TCF4: variants seen among roughly 807,000 people sequenced by gnomAD.
TCF4 encodes the protein SL3-3 enhancer factor 2.
A neutral mutation model predicts 82.1 loss-of-function variants in TCF4; 3 were observed. The ratio of observed to expected loss-of-function variants is 0.04; its 90% confidence interval spans 0.02 to 0.09. The LOEUF (loss-of-function observed/expected upper bound fraction) is 0.09, where lower values mean the gene tolerates loss of function less well. TCF4 is among the 10% of genes least tolerant of loss of function. TCF4 has a pLI of 1.00. For synonymous variants in TCF4, 276 were observed against 309.6 expected (o/e 0.89, Z 1.14); for missense variants, 518 against 852.7 (o/e 0.61, Z 4.89).
At chr18:55,595,860 A>G (rs2097690338) in intron 2 of TCF4, among the ~76,000 whole-genome samples, 1 of 152,152 alleles carries the variant, frequency 6.6e-6, no homozygotes, top group South Asian at 2.1e-4. Flanking sequence ...CAGAGAAGAA[A>G]TGAAGTTGTA....
intron 5 of TCF4, among the ~76,000 whole-genome samples, chr18:55,435,104 A>C (rs1452486458): frequency 6.6e-6 from 1 of 152,134 alleles, no homozygotes; most frequent in Non-Finnish European, 1.5e-5. Context: ...TCTACTCTTA[A>C]GTTCTACTCT....
chr18:55,330,320 C>G (rs966175395), intron 8 of TCF4, among the ~76,000 whole-genome samples: 4 of 150,834 alleles, frequency 2.7e-5, no homozygotes, highest in African/African-American at 9.8e-5. Flanking sequence ...GCTAGGAGTA[C>G]AGGTGTGTGC....
intron 2 of TCF4, among the ~76,000 whole-genome samples, chr18:55,603,110 T>C (rs868092115): frequency 5.3e-5 from 8 of 152,168 alleles, no homozygotes; most frequent in Admixed American, 1.3e-4. Flanking sequence ...CAGCTTTTCT[T>C]AACCTTGGCA....
chr18:55,421,860 A>T (rs1395880538), intron 5 of TCF4, among the ~76,000 whole-genome samples: 4 of 152,176 alleles, frequency 2.6e-5, no homozygotes, highest in African/African-American at 9.7e-5. Flanking sequence ...TTGCCAACCT[A>T]AAGTTCCACA....
intron 15 of TCF4, among the ~76,000 whole-genome samples, chr18:55,237,708 C>A (rs1244344112): frequency 6.6e-6 from 1 of 152,122 alleles, no homozygotes; most frequent in Non-Finnish European, 1.5e-5. Context: ...AGGTCCAGAG[C>A]CATGTAATAA....
intron 2 of TCF4, among the ~76,000 whole-genome samples, chr18:55,622,304 C>T (rs1316201922): frequency 6.6e-6 from 1 of 150,536 alleles, no homozygotes; most frequent in Non-Finnish European, 1.5e-5. Context: ...GTCAGGAGAT[C>T]GAGACCATCC....
intron 2 of TCF4, among the ~76,000 whole-genome samples, chr18:55,619,985 A>G (rs1264749748): frequency 3.9e-5 from 6 of 152,144 alleles, no homozygotes; most frequent in Non-Finnish European, 1.5e-5. Flanking sequence ...GACCAGGTGA[A>G]AGCAATTGAA....
intron 8 of TCF4, among the ~76,000 whole-genome samples, chr18:55,292,872 T>C (rs1382361830): frequency 6.6e-6 from 1 of 152,140 alleles, no homozygotes; most frequent in Non-Finnish European, 1.5e-5. Context: ...ACACACATTA[T>C]ACATATATAC....
chr18:55,614,228 T>C (rs1225713536), intron 2 of TCF4, among the ~76,000 whole-genome samples: 2 of 152,222 alleles, frequency 1.3e-5, no homozygotes, highest in African/African-American at 4.8e-5. Context: ...CTGTGAACAT[T>C]TGTACACGAG....
At position 55,421,647 on chromosome 18, in the gene TCF4, T is replaced by C. The variant is rs115300746; in HGVS notation, c.305-18129A>G. 7.6e-3 allele frequency among the ~76,000 whole-genome samples: 1,164 copies of C among 152,338 alleles called. 21 individuals are homozygous for C. The highest frequency in any genetic ancestry group is 0.026 in the African/African-American group (1,098 of 41,578). The stretch of plus-strand genomic sequence containing the variant: ...TCTATTTTCCCTTTTTCTTAATCAT[T>C]ATACAAACCTTTTATTAAAACATCT... On this transcript the variant is annotated intron_variant, in intron 5 of 19. Coordinates refer to ENST00000354452, the MANE Select transcript of TCF4 (RefSeq NM_001083962.2).
chr18:55,244,085 A>ATTAG (rs2052244084), intron 15 of TCF4, among the ~76,000 whole-genome samples: 2 of 152,178 alleles, frequency 1.3e-5, no homozygotes, highest in Admixed American at 1.3e-4. Flanking sequence ...TCTATTCCCG[A>ATTAG]CTGGATAAAC....
At chr18:55,541,688 C>T (rs1274282987) in intron 3 of TCF4, among the ~76,000 whole-genome samples, 3 of 151,898 alleles carry the variant, frequency 2.0e-5, no homozygotes, top group Non-Finnish European at 2.9e-5. Flanking sequence ...TGACAGTATC[C>T]TCACTTACAA....
intron 15 of TCF4, among the ~76,000 whole-genome samples, chr18:55,245,007 G>A (rs2052589574): frequency 6.6e-6 from 1 of 152,132 alleles, no homozygotes; most frequent in Non-Finnish European, 1.5e-5. Flanking sequence ...ACTAATATTG[G>A]ACAGATCTTT....
chr18:55,485,740 T>A (rs1444585211), intron 3 of TCF4, among the ~76,000 whole-genome samples: 2 of 152,218 alleles, frequency 1.3e-5, no homozygotes, highest in African/African-American at 4.8e-5. Flanking sequence ...CTGCAGAATT[T>A]TCCTCATGTA....
At chr18:55,303,136 AACAG>A (rs1230267785) in intron 8 of TCF4, among the ~76,000 whole-genome samples, 2 of 151,992 alleles carry the variant, frequency 1.3e-5, no homozygotes, top group Non-Finnish European at 2.9e-5. Flanking sequence ...AAATAATGAA[AACAG>A]ACAGAAAAGA....
chr18:55,274,845 T>C (rs1234354582), intron 10 of TCF4, among the ~76,000 whole-genome samples: 1 of 152,158 alleles, frequency 6.6e-6, no homozygotes, highest in East Asian at 1.9e-4. Flanking sequence ...CAACAGTGGA[T>C]TCTGGGCTGT....
chr18:55,488,756 C>G (rs1207819186), intron 3 of TCF4, among the ~76,000 whole-genome samples: 1 of 152,142 alleles, frequency 6.6e-6, no homozygotes, highest in African/African-American at 2.4e-5. Flanking sequence ...GCCTCAGGAA[C>G]CTTTTGTTGT....
intron 8 of TCF4, among the ~76,000 whole-genome samples, chr18:55,340,483 CTGAGGTGGGAGGACCGCT>C (rs1420506354): frequency 6.7e-6 from 1 of 149,370 alleles, no homozygotes; most frequent in African/African-American, 2.5e-5. Context: ...ACTCAGGAGC[CTGAGGTGGGAGGACCGCT>C]TGAGCCTGGG....
At chr18:55,365,189 A>ATGTGTGTGTG (rs1275422832) in intron 6 of TCF4, among the ~76,000 whole-genome samples, 5 of 108,598 alleles carry the variant, frequency 4.6e-5, no homozygotes, top group African/African-American at 2.2e-4. Context: ...ATATATATAT[A>ATGTGTGTGTG]TATGTGTGTG....
Sources: gnomAD v4.1 joint callset for allele counts (sites outside exome capture counted in the v4.1 genomes callset) on GRCh38, gnomAD v4.1.1 for gene constraint, MANE v1.5 for transcripts, NCBI Gene and HGNC (gene_info 2026-07-23, HGNC 2026-07-21) for gene names.